The following DIAPH2 variants were observed in gnomAD, a reference collection of about 807,000 sequenced individuals.
DIAPH2 encodes diaphanous related formin 2.
Under a neutral mutation model 92.7 loss-of-function variants are expected in DIAPH2, and 35 were observed. The observed-to-expected ratio is 0.38, with a 90% CI of 0.29 to 0.50. The LOEUF (loss-of-function observed/expected upper bound fraction) is 0.50, where lower values mean the gene tolerates loss of function less well. Ranked by LOEUF, DIAPH2 falls within the 20% of genes least tolerant of loss-of-function variation. The pLI is 0.94. For synonymous variants in DIAPH2, 301 were observed against 280.4 expected, an observed-to-expected ratio of 1.07 and a Z score of -0.73; for missense variants, 701 against 819.5, an observed-to-expected ratio of 0.86 and a Z score of 1.77.
intron 26 of DIAPH2, among the ~76,000 whole-genome samples, chrX:97,539,655 A>G (rs892961631): frequency 8.9e-6 from 1 of 112,215 alleles, no homozygotes; most frequent in African/African-American, 3.2e-5. Flanking sequence ...TTATTCATTC[A>G]TTTAATTTTG....
intron 20 of DIAPH2, among the ~76,000 whole-genome samples, chrX:97,106,466 G>T (rs1258345898): frequency 9.0e-6 from 1 of 111,528 alleles, no homozygotes; most frequent in Non-Finnish European, 1.9e-5. Flanking sequence ...ATCAGCTTTT[G>T]CAATAAAACA....
intron 26 of DIAPH2, among the ~76,000 whole-genome samples, chrX:97,498,738 G>C (rs769621518): frequency 9.0e-6 from 1 of 111,676 alleles, no homozygotes; most frequent in South Asian, 3.8e-4. Flanking sequence ...GAAAGGAAAA[G>C]ATGCTGCCAA....
At chrX:97,005,926 T>A (rs2066179317) in intron 17 of DIAPH2, among the ~76,000 whole-genome samples, 1 of 107,499 alleles carries the variant, frequency 9.3e-6, no homozygotes, top group African/African-American at 3.4e-5. Context: ...TTTTTTTTTT[T>A]TTGATGTAGG....
chrX:96,906,022 G>A (rs1280588477), intron 5 of DIAPH2, among the ~76,000 whole-genome samples: 3 of 112,296 alleles, frequency 2.7e-5, no homozygotes, highest in Non-Finnish European at 5.6e-5. Flanking sequence ...CCAGCTACTC[G>A]GGAGGCTGAG....
chrX:97,041,210 C>G (rs1334572199), intron 17 of DIAPH2, among the ~76,000 whole-genome samples: 1 of 110,833 alleles, frequency 9.0e-6, no homozygotes, highest in African/African-American at 3.3e-5. Flanking sequence ...AATTGCCAAC[C>G]TACGCACACC....
At chrX:97,034,389 A>T (rs6523069) in intron 17 of DIAPH2, among the ~76,000 whole-genome samples, 5,102 of 110,318 alleles carry the variant, frequency 0.046, 293 homozygotes, top group African/African-American at 0.16. Flanking sequence ...GTATATACAG[A>T]ACAGATTTTT....
intron 22 of DIAPH2, among the ~76,000 whole-genome samples, chrX:97,193,162 G>A (rs1318407225): frequency 1.9e-5 from 2 of 107,767 alleles, no homozygotes; most frequent in Non-Finnish European, 3.8e-5. Flanking sequence ...ACAGGTGCTC[G>A]CCACCATGCC....
intron 22 of DIAPH2, among the ~76,000 whole-genome samples, chrX:97,194,950 C>T (rs771818129): frequency 3.0e-4 from 33 of 111,459 alleles, no homozygotes; most frequent in Admixed American, 1.8e-3. Flanking sequence ...GGAGTATGGT[C>T]CCAACCTTAC....
intron 25 of DIAPH2, among the ~76,000 whole-genome samples, chrX:97,426,414 G>A (rs967991596): frequency 9.2e-6 from 1 of 109,143 alleles, no homozygotes; most frequent in African/African-American, 3.3e-5. Flanking sequence ...TCAGCCTCCC[G>A]AATAGCTGGG....
chrX:97,353,159 A>G (rs1029029605), intron 24 of DIAPH2, among the ~76,000 whole-genome samples: 2 of 110,952 alleles, frequency 1.8e-5, no homozygotes, highest in African/African-American at 6.5e-5. Context: ...AAATAAATCA[A>G]ATTCCATATT....
At position 96,976,016 on chromosome X, in the gene DIAPH2, C is replaced by T. The variant is rs1373185749; in HGVS notation, c.2050+10809C>T. ...CCCTCCTTCCCTCTCTCCCTCCCTC[C>T]CTCCCTCCCTTCCTTCCTTCTTTTC... On this transcript the variant is annotated intron_variant, in intron 17 of 26. Transcript: ENST00000324765. Among the ~76,000 whole-genome samples the T allele has an allele frequency of 4.9e-5, 5 of 101,045 alleles. No individual in the cohort carries two copies. The South Asian group carries it at 2.1e-3, about 43-fold the overall frequency. The allele number at this position is 101,045 out of a possible 115,157, so 87.7% of individuals were successfully genotyped here. A position where few individuals can be genotyped will look rare whatever the true frequency, so the allele number is the denominator to read the frequency against.
intron 20 of DIAPH2, among the ~76,000 whole-genome samples, chrX:97,112,324 G>C (rs1227763714): frequency 9.0e-6 from 1 of 111,142 alleles, no homozygotes; most frequent in East Asian, 2.8e-4. Flanking sequence ...GCTCAAAGTA[G>C]CTCTATAGCT....
At chrX:97,098,370 C>G (rs1473781859) in intron 19 of DIAPH2, among the ~76,000 whole-genome samples, 1 of 111,789 alleles carries the variant, frequency 8.9e-6, no homozygotes, top group Non-Finnish European at 1.9e-5. Flanking sequence ...CCTTCTACCC[C>G]CAGCTTCCGG....
intron 1 of DIAPH2, among the ~76,000 whole-genome samples, chrX:96,714,642 C>A (rs904457068): frequency 1.8e-5 from 2 of 112,038 alleles, no homozygotes; most frequent in Admixed American, 1.9e-4. Flanking sequence ...TCATTTGTTG[C>A]TCAGCATTTT....
chrX:96,870,226 G>A (rs1442609295), intron 4 of DIAPH2, among the ~76,000 whole-genome samples: 2 of 110,722 alleles, frequency 1.8e-5, no homozygotes, highest in Non-Finnish European at 3.8e-5. Flanking sequence ...AGTTGTGAAA[G>A]CTGTTTTTGC....
chrX:97,163,558 C>T (rs1250506045), intron 22 of DIAPH2, among the ~76,000 whole-genome samples: 5 of 111,898 alleles, frequency 4.5e-5, no homozygotes, highest in African/African-American at 1.6e-4. Context: ...TACCCATAGA[C>T]TGATGTGGCT....
chrX:96,957,013 C>G (rs970020027), intron 15 of DIAPH2, among the ~76,000 whole-genome samples: 1 of 111,517 alleles, frequency 9.0e-6, no homozygotes, highest in Non-Finnish European at 1.9e-5. Context: ...GACTGGGTAA[C>G]TTTTTTTTTA....
intron 10 of DIAPH2, among the ~76,000 whole-genome samples, chrX:96,936,836 A>G (rs983335498): frequency 8.9e-6 from 1 of 111,886 alleles, no homozygotes; most frequent in Non-Finnish European, 1.9e-5. Context: ...CATTAATACA[A>G]TTGATTTGTA....
intron 4 of DIAPH2, among the ~76,000 whole-genome samples, chrX:96,844,032 G>A (rs769254189): frequency 1.8e-4 from 20 of 112,199 alleles, no homozygotes; most frequent in Middle Eastern, 4.2e-3. Flanking sequence ...TTTGTAAATA[G>A]AGGCTCTAAG....
Sources: allele counts gnomAD v4.1 joint callset (sites outside exome capture counted in the v4.1 genomes callset), GRCh38; gene constraint gnomAD v4.1.1; transcripts MANE v1.5; gene names NCBI Gene and HGNC (gene_info 2026-07-23, HGNC 2026-07-21).